The following NCOR1 variants were observed in gnomAD, a reference collection of about 807,000 sequenced individuals.
NCOR1 encodes protein phosphatase 1, regulatory subunit 109.
A neutral mutation model predicts 288.1 loss-of-function variants in NCOR1; 63 were observed. That is an observed-to-expected ratio of 0.22 (90% confidence interval 0.18 to 0.27). The LOEUF (loss-of-function observed/expected upper bound fraction) is 0.27, where lower values mean the gene tolerates loss of function less well. NCOR1 is among the 10% of genes least tolerant of loss of function. NCOR1 has a pLI of 1.00. For synonymous variants in NCOR1, 1,007 were observed against 1,065.9 expected (o/e 0.94, Z 1.08); for missense variants, 2,397 against 3,019.2 (o/e 0.79, Z 4.83).
At chr17:16,185,936 G>A (rs2086590595) in intron 3 of NCOR1, among the ~76,000 whole-genome samples, 2 of 151,834 alleles carry the variant, frequency 1.3e-5, no homozygotes, top group Admixed American at 1.3e-4. Context: ...GAAAGATCCT[G>A]TCTCCAAAAA....
chr17:16,061,334 T>C (rs1450868809), intron 37 of NCOR1, 67 bp downstream of exon 37: 2 of 1,533,538 alleles, frequency 1.3e-6, no homozygotes, highest in Non-Finnish European at 1.8e-6. Flanking sequence ...TAGTTCTACT[T>C]GACCTAAAGA....
chr17:16,071,295 T>C lies in NCOR1; in HGVS notation c.4152+114A>G, dbSNP rs1160049101. 10 of 1,426,136 alleles carry C rather than the reference T, an allele frequency of 7.0e-6. No individual in the cohort carries two copies. The East Asian group carries it at 2.3e-4, about 33-fold the overall frequency. 88.3% of individuals were successfully genotyped at this position (1,426,136 alleles called of 1,614,324 possible). On this transcript the variant is annotated intron_variant, in intron 30 of 45. Coordinates refer to ENST00000268712, the MANE Select transcript of NCOR1 (RefSeq NM_006311.4). ...AAAAAAAAGGTACAGGAAACTTTCATGTTTACTTCCAGGAGGTCTGACATC... is the reference window on the plus strand; with the variant it reads ...AAAAAAAAGGTACAGGAAACTTTCACGTTTACTTCCAGGAGGTCTGACATC...
Position 16,064,959 on chromosome 17 carries a change from C to T in NCOR1, c.5012G>A (p.Ser1671Asn), listed in dbSNP as rs765032832. The change falls in exon 34 of 46, where the codon AGC becomes AAC. Residue 1671 changes from serine to asparagine, a missense_variant. Physicochemically the swap from Ser to Asn is conservative, Grantham distance 46. Coordinates refer to ENST00000268712, the MANE Select transcript of NCOR1 (RefSeq NM_006311.4). ...TILVPHPGGT[S>N]TPPMDRITYI... Reference sequence around the variant, plus strand: ...AGTGATTCTGTCCATGGGAGGAGTGCTTGTTCCCCCTGGATGAGGCACTAA... The same window carrying T: ...AGTGATTCTGTCCATGGGAGGAGTGTTTGTTCCCCCTGGATGAGGCACTAA... 1.2e-6 allele frequency: 2 copies of T among 1,613,898 alleles called. No homozygotes were observed. Among genetic ancestry groups the T allele is most frequent in the South Asian group, 2.2e-5 (2 of 91,070 alleles).
chr17:16,201,590 T>C (rs1467964443), intron 1 of NCOR1, among the ~76,000 whole-genome samples: 1 of 152,038 alleles, frequency 6.6e-6, no homozygotes, highest in African/African-American at 2.4e-5. Flanking sequence ...AGAACAAGAC[T>C]CTATCTCAAA....
At chr17:16,033,756 T>C (rs1005648435) in intron 45 of NCOR1, among the ~76,000 whole-genome samples, 3 of 152,174 alleles carry the variant, frequency 2.0e-5, no homozygotes, top group Admixed American at 1.3e-4. Context: ...TCCTGGAGTA[T>C]TGTTTTTCAT....
intron 40 of NCOR1, among the ~76,000 whole-genome samples, chr17:16,052,353 A>G (rs1012397109): frequency 6.6e-6 from 1 of 152,120 alleles, no homozygotes; most frequent in Non-Finnish European, 1.5e-5. Flanking sequence ...AAAAATTAAT[A>G]AAACAGACTG....
rs1466782665 is a variant in NCOR1, at chr17:16,075,715, C to T, written c.3502-13G>A. The T allele has an allele frequency of 2.4e-5, 38 of 1,613,682 alleles. No homozygotes were observed. Among genetic ancestry groups the T allele is most frequent in the Non-Finnish European group, 3.1e-5 (37 of 1,179,874 alleles). On this transcript the variant is annotated splice_polypyrimidine_tract_variant and intron_variant, in intron 26 of 45. Transcript: ENST00000268712. ...GAGCCGGGGTGCCCTGCCATCAAAT[C>T]AAGCATAAATAGCAGAGGAGTCACT...
At chr17:16,171,242 A>T (rs1599859964) in intron 4 of NCOR1, among the ~76,000 whole-genome samples, 1 of 152,128 alleles carries the variant, frequency 6.6e-6, no homozygotes, top group Admixed American at 6.6e-5. Context: ...CCACAATAAA[A>T]CTGGGGGAGG....
chr17:16,059,466 A>G (rs998903163), intron 37 of NCOR1, among the ~76,000 whole-genome samples: 1 of 152,248 alleles, frequency 6.6e-6, no homozygotes, highest in Non-Finnish European at 1.5e-5. Flanking sequence ...GAAGGGAAGT[A>G]TATTCCCAGA....
At chr17:16,163,385 A>T (rs1452229762) in intron 5 of NCOR1, among the ~76,000 whole-genome samples, 1 of 152,212 alleles carries the variant, frequency 6.6e-6, no homozygotes, top group Non-Finnish European at 1.5e-5. Flanking sequence ...AAAGATATAC[A>T]AATGGCCAAT....
chr17:16,103,040 T>C (rs563225260), intron 19 of NCOR1, among the ~76,000 whole-genome samples: 1 of 152,356 alleles, frequency 6.6e-6, no homozygotes, highest in East Asian at 1.9e-4. Context: ...ATATCGTTTA[T>C]ATTGTTCTAT....
intron 2 of NCOR1, among the ~76,000 whole-genome samples, chr17:16,189,916 T>C (rs1240597449): frequency 1.3e-5 from 2 of 152,156 alleles, no homozygotes; most frequent in Non-Finnish European, 2.9e-5. Context: ...GAAAATAACG[T>C]TGAAGCTACA....
chr17:16,214,432 G>A (rs1190028936), intron 1 of NCOR1, among the ~76,000 whole-genome samples: 2 of 152,134 alleles, frequency 1.3e-5, no homozygotes, highest in East Asian at 3.8e-4. Context: ...CCTCACCAGG[G>A]TGCACACAAG....
At chr17:16,172,376 G>C (rs1007930489) in intron 3 of NCOR1, among the ~76,000 whole-genome samples, 1 of 151,948 alleles carries the variant, frequency 6.6e-6, no homozygotes, top group Non-Finnish European at 1.5e-5. Flanking sequence ...AAAAAGGTTT[G>C]GGGGGAGGAT....
Position 16,079,026 on chromosome 17 carries a change from G to A in NCOR1, c.3501+938C>T, listed in dbSNP as rs368080962. Among the ~76,000 whole-genome samples the A allele has an allele frequency of 1.8e-4, 28 of 152,116 alleles. No homozygotes were observed. In the East Asian group the frequency reaches 3.7e-3, roughly 20 times the overall value. On this transcript the variant is annotated intron_variant, in intron 26 of 45. Transcript: ENST00000268712. ...TTTTAATTCACATGATCTAGAGTGC[G>A]GACTGACATTTCTGCATTATTCTAG...
At chr17:16,040,976 C>G (rs576055647) in intron 42 of NCOR1, 11 of 161,160 alleles carry the variant, frequency 6.8e-5, no homozygotes, top group Admixed American at 2.5e-4. Flanking sequence ...GTTCTCAGAA[C>G]AGGAACCAAG....
intron 11 of NCOR1, among the ~76,000 whole-genome samples, chr17:16,141,058 T>C (rs2077086559): frequency 6.6e-6 from 1 of 151,724 alleles, no homozygotes. Flanking sequence ...GTGCAATATG[T>C]ATTTAGGGCT....
At chr17:16,117,818 T>C (rs2072027248) in intron 18 of NCOR1, 70 bp downstream of exon 18, 11 of 1,513,606 alleles carry the variant, frequency 7.3e-6, no homozygotes, top group Non-Finnish European at 9.9e-6. Flanking sequence ...TGAGACTCCA[T>C]CTCAAACAAC....
intron 14 of NCOR1, among the ~76,000 whole-genome samples, chr17:16,132,549 C>T (rs2075799858): frequency 6.6e-6 from 1 of 152,170 alleles, no homozygotes; most frequent in South Asian, 2.1e-4. Context: ...GGAATGGTAA[C>T]AAGCTGAACT....
Sources: allele counts gnomAD v4.1 joint callset (sites outside exome capture counted in the v4.1 genomes callset), GRCh38; gene constraint gnomAD v4.1.1; transcripts MANE v1.5; gene names NCBI Gene and HGNC (gene_info 2026-07-23, HGNC 2026-07-21).